Variants in PAK4 observed in about 807,000 individuals in gnomAD.
The protein encoded by PAK4 is serine/threonine-protein kinase PAK 4.
A neutral mutation model predicts 53.5 loss-of-function variants in PAK4; 49 were observed. The observed-to-expected ratio is 0.92, with a 90% CI of 0.73 to 1.16. The LOEUF is 1.16. Ranked by LOEUF, PAK4 falls within the 50% of genes most tolerant of loss-of-function variation. PAK4 has a pLI of 0.00. For missense variants in PAK4, 824 were observed against 850.7 expected, an observed-to-expected ratio of 0.97 and a Z score of 0.39; for synonymous variants, 376 against 375.6, an observed-to-expected ratio of 1.00 and a Z score of -0.01.
At chr19:39,130,878 C>T (rs541366664) in intron 1 of PAK4, among the ~76,000 whole-genome samples, 18 of 146,350 alleles carry the variant, frequency 1.2e-4, no homozygotes, top group African/African-American at 3.8e-4. Flanking sequence ...GTGTGGGGGA[C>T]GGATCGCGGG....
In PAK4 at chr19:39,173,476, C is replaced by G; in HGVS notation, c.663+100C>G. 1.5e-6 allele frequency: 2 copies of G among 1,337,698 alleles called. No individual in the cohort carries two copies. Among genetic ancestry groups the G allele is most frequent in the Non-Finnish European group, 2.0e-6 (2 of 983,322 alleles). The allele number at this position is 1,337,698 out of a possible 1,614,324, so 82.9% of individuals were successfully genotyped here. ...CCCACCACCGTGCATCTCATCCTGA[C>G]CACCCATGTGTCTGTCCCATCGCTG... On this transcript the variant is annotated intron_variant, in intron 3 of 8. Coordinates refer to ENST00000358301, the Ensembl canonical transcript of PAK4. The surrounding 1 kb of genome is among the most constrained non-coding windows in gnomAD (Gnocchi z 6.9).
At chr19:39,159,877 G>A (rs2074255466) in intron 1 of PAK4, among the ~76,000 whole-genome samples, 1 of 152,212 alleles carries the variant, frequency 6.6e-6, no homozygotes, top group South Asian at 2.1e-4. Flanking sequence ...CTGAATCCAG[G>A]CCCCACTTCC....
In PAK4 at chr19:39,176,733, T is replaced by G; in HGVS notation, c.1485+18T>G. 1.9e-6 allele frequency: 3 copies of G among 1,605,376 alleles called. No homozygotes were observed. Among genetic ancestry groups the G allele is most frequent in the Non-Finnish European group, 2.5e-6 (3 of 1,179,310 alleles). On this transcript the variant is annotated intron_variant, in intron 7 of 8. Transcript: ENST00000358301. ...GGCCAGAGGTGAGCCCCGGGGTGGC[T>G]TGGTTGTCCCGCCGTGGACAGCGTA...
At chr19:39,169,555 T>C (rs1249871067) in exon 2 of PAK4, 1 of 1,612,622 alleles carries the variant, frequency 6.2e-7, no homozygotes, top group Non-Finnish European at 8.5e-7. Context: ...CCCGGCACCA[T>C]GTTTGGGAAG....
chr19:39,152,572 C>T (rs1039558291), intron 1 of PAK4, among the ~76,000 whole-genome samples: 3 of 152,122 alleles, frequency 2.0e-5, no homozygotes, highest in Non-Finnish European at 4.4e-5. Flanking sequence ...ACAGTAAGAA[C>T]GAACCTTCTA....
intron 1 of PAK4, among the ~76,000 whole-genome samples, chr19:39,149,911 G>C (rs1277150868): frequency 1.3e-5 from 2 of 152,058 alleles, no homozygotes; most frequent in Non-Finnish European, 2.9e-5. Context: ...AAAGAAAGTA[G>C]AACAGAGGTT....
At chr19:39,142,923 A>G (rs951266246) in intron 1 of PAK4, among the ~76,000 whole-genome samples, 1 of 151,926 alleles carries the variant, frequency 6.6e-6, no homozygotes, top group African/African-American at 2.4e-5. Flanking sequence ...CCTTGACCTC[A>G]GCTGCTCCAT....
intron 1 of PAK4, among the ~76,000 whole-genome samples, chr19:39,147,510 A>G (rs1002884938): frequency 2.0e-5 from 3 of 152,210 alleles, no homozygotes; most frequent in Non-Finnish European, 2.9e-5. Context: ...TCTGGGGCCA[A>G]TACCCAGAGG....
At chr19:39,177,929 T>C in intron 8 of PAK4, 120 bp downstream of exon 9, 1 of 1,182,456 alleles carries the variant, frequency 8.5e-7, no homozygotes, top group Non-Finnish European at 1.2e-6. Context: ...GCTTACTGTG[T>C]GCTGGGCCCC....
At chr19:39,127,627 G>T (rs2073613214) in intron 1 of PAK4, among the ~76,000 whole-genome samples, 1 of 152,118 alleles carries the variant, frequency 6.6e-6, no homozygotes, top group Non-Finnish European at 1.5e-5. Context: ...GAGTGTGGCA[G>T]GGGACGAGAT....
chr19:39,132,819 C>T (rs141810971), intron 1 of PAK4, among the ~76,000 whole-genome samples: 4,119 of 152,334 alleles, frequency 0.027, 204 homozygotes, highest in Admixed American at 0.13. Context: ...CTGGAATAGA[C>T]GGGTGTCACC....
At chr19:39,174,475 G>C (rs563772469) in intron 4 of PAK4, among the ~76,000 whole-genome samples, 1 of 150,486 alleles carries the variant, frequency 6.6e-6, no homozygotes, top group Non-Finnish European at 1.5e-5. Context: ...GCAGTGCCCC[G>C]TAGCACCCTG....
intron 1 of PAK4, among the ~76,000 whole-genome samples, chr19:39,166,479 A>G (rs1383980776): frequency 2.0e-5 from 3 of 152,316 alleles, no homozygotes; most frequent in Non-Finnish European, 2.9e-5. Context: ...AGCAGCTACT[A>G]TTATCGCCGT....
Position 39,129,853 on chromosome 19 carries a change from T to C in PAK4, c.-23+3934T>C, listed in dbSNP as rs73930285. The stretch of plus-strand genomic sequence containing the variant: ...AGCTGGGAAAGAGAACTATACTGAT[T>C]CGAACCTCTCAGGAGGGAGGCAGGG... On this transcript the variant is annotated intron_variant, in intron 1 of 8. Coordinates refer to ENST00000358301, the Ensembl canonical transcript of PAK4. 8.1e-3 allele frequency among the ~76,000 whole-genome samples: 1,238 copies of C among 152,152 alleles called. 23 individuals carry two copies. The highest frequency in any genetic ancestry group is 0.028 in the African/African-American group (1,165 of 41,510).
chr19:39,176,488 C>A, intron 6 of PAK4, 102 bp from the exon 8 acceptor site: 1 of 1,494,192 alleles, frequency 6.7e-7, no homozygotes, highest in Non-Finnish European at 9.2e-7. Context: ...ACCTCTGGGC[C>A]GCACATTGTG....
chr19:39,154,521 C>T (rs2074144270), intron 1 of PAK4, among the ~76,000 whole-genome samples: 1 of 152,158 alleles, frequency 6.6e-6, no homozygotes, highest in African/African-American at 2.4e-5. Context: ...CACAGTTTAC[C>T]CTTTGGTGCC....
rs983685958 is a variant in PAK4 at position 39,175,210 on chromosome 19, C to T, written c.1233-102C>T. ...CATTCCTCCCACTCCAGAGTGGGGT[C>T]GAGTGGTCTCAGATTCCTCCCACTG... On this transcript the variant is annotated intron_variant, in intron 5 of 8. Coordinates refer to ENST00000358301, the Ensembl canonical transcript of PAK4. This position sits in a 1 kb window ranked among gnomAD's most constrained non-coding sequence, Gnocchi z 4.7. The T allele has an allele frequency of 6.1e-6, 9 of 1,464,280 alleles. No individual in the cohort carries two copies. Among genetic ancestry groups the T allele is most frequent in the Middle Eastern group, 2.2e-4 (1 of 4,452 alleles). The allele number at this position is 1,464,280 out of a possible 1,614,324, so 90.7% of individuals were successfully genotyped here. A position where few individuals can be genotyped will look rare whatever the true frequency, so the allele number is the denominator to read the frequency against.
intron 2 of PAK4, among the ~76,000 whole-genome samples, chr19:39,172,320 G>C (rs2074497122): frequency 6.6e-6 from 1 of 152,128 alleles, no homozygotes; most frequent in African/African-American, 2.4e-5. Flanking sequence ...GTGGGGACCG[G>C]GTGACTCGGG....
chr19:39,126,628 A>G (rs945061742), intron 1 of PAK4, among the ~76,000 whole-genome samples: 2 of 152,106 alleles, frequency 1.3e-5, no homozygotes, highest in South Asian at 2.1e-4. Flanking sequence ...CCTGGTATTA[A>G]GAGGTTAAGT....
Sources: allele counts gnomAD v4.1 joint callset (sites outside exome capture counted in the v4.1 genomes callset), GRCh38; gene constraint gnomAD v4.1.1; non-coding constraint Gnocchi (gnomAD v3.1); transcripts MANE v1.5; gene names NCBI Gene and HGNC (gene_info 2026-07-23, HGNC 2026-07-21).